The following RGL1 variants were observed in gnomAD, a reference collection of about 807,000 sequenced individuals.
RGL1 encodes the protein ral guanine nucleotide dissociation stimulator-like 1.
Under a neutral mutation model 95.2 loss-of-function variants are expected in RGL1, and 24 were observed. The observed-to-expected ratio is 0.25, with a 90% CI of 0.18 to 0.35. The LOEUF is 0.35. RGL1 is among the 10% of genes least tolerant of loss of function. RGL1 has a pLI of 1.00. For synonymous variants in RGL1, 329 were observed against 344.9 expected (o/e 0.95, Z 0.51); for missense variants, 715 against 936.3 (o/e 0.76, Z 3.08).
intron 1 of RGL1, among the ~76,000 whole-genome samples, chr1:183,670,829 G>A (rs1007188594): frequency 5.9e-5 from 9 of 152,114 alleles, no homozygotes; most frequent in South Asian, 2.1e-4. Context: ...ATATTCCATC[G>A]TATGGATATA....
chr1:183,779,798 T>G (rs1659802665), intron 2 of RGL1, among the ~76,000 whole-genome samples: 2 of 149,388 alleles, frequency 1.3e-5, no homozygotes, highest in Admixed American at 6.7e-5. Flanking sequence ...ATTTGTATCT[T>G]TTTTTTTTTG....
chr1:183,836,747 A>G (rs986186740), intron 2 of RGL1, among the ~76,000 whole-genome samples: 14 of 152,160 alleles, frequency 9.2e-5, no homozygotes, highest in Non-Finnish European at 2.1e-4. Context: ...GTGCTGAGGG[A>G]TAGAATACTT....
chr1:183,804,625 C>T (rs936195740), upstream of RGL1, among the ~76,000 whole-genome samples: 1 of 152,176 alleles, frequency 6.6e-6, no homozygotes, highest in African/African-American at 2.4e-5. Context: ...AAAAGCCCAG[C>T]GCGATTTCCT....
chr1:183,697,066 C>G (rs1308246716), intron 1 of RGL1, among the ~76,000 whole-genome samples: 2 of 152,190 alleles, frequency 1.3e-5, no homozygotes, highest in African/African-American at 4.8e-5. Flanking sequence ...ATGGTAAAAG[C>G]TGGAAACCTT....
intron 1 of RGL1, among the ~76,000 whole-genome samples, chr1:183,671,090 G>A (rs933179572): frequency 6.6e-6 from 1 of 152,310 alleles, no homozygotes; most frequent in Admixed American, 6.5e-5. Flanking sequence ...CTGAGTGAAG[G>A]AGGAAGAGCC....
chr1:183,734,876 C>T (rs925944582), intron 1 of RGL1, among the ~76,000 whole-genome samples: 7 of 152,172 alleles, frequency 4.6e-5, no homozygotes, highest in African/African-American at 1.7e-4. Flanking sequence ...AGTATCCTCT[C>T]CCTTCCCCAC....
chr1:183,851,160 A>G (rs1380693485), intron 3 of RGL1, among the ~76,000 whole-genome samples: 1 of 152,236 alleles, frequency 6.6e-6, no homozygotes, highest in Admixed American at 6.5e-5. Context: ...CATGTACGAT[A>G]TAACTGGAGA....
At chr1:183,697,591 G>T (rs1354996735) in intron 1 of RGL1, among the ~76,000 whole-genome samples, 1 of 152,174 alleles carries the variant, frequency 6.6e-6, no homozygotes, top group Non-Finnish European at 1.5e-5. Flanking sequence ...TGCACAAAAT[G>T]CTTCTTAAAT....
intron 3 of RGL1, 150 bp from the exon 4 acceptor site, chr1:183,865,846 A>G (rs1665796430): frequency 1.6e-6 from 1 of 617,232 alleles, no homozygotes; most frequent in African/African-American, 1.8e-5. Flanking sequence ...TATCAATAAT[A>G]CTGCATCATT....
At chr1:183,678,344 A>T (rs913439414) in intron 1 of RGL1, among the ~76,000 whole-genome samples, 2 of 152,130 alleles carry the variant, frequency 1.3e-5, no homozygotes, top group Admixed American at 1.3e-4. Flanking sequence ...ATAATCAGTG[A>T]GTTTTTTATT....
At chr1:183,874,029 G>A (rs1019232971) in intron 4 of RGL1, among the ~76,000 whole-genome samples, 1 of 152,154 alleles carries the variant, frequency 6.6e-6, no homozygotes, top group African/African-American at 2.4e-5. Context: ...TTGGACTGTG[G>A]GGAATGAGTT....
At chr1:183,842,038 G>T (rs565218007) in intron 2 of RGL1, among the ~76,000 whole-genome samples, 108 of 152,312 alleles carry the variant, frequency 7.1e-4, no homozygotes, top group South Asian at 1.9e-3. Context: ...GTGGTTTGTT[G>T]TTGCTGGATA....
chr1:183,720,763 G>T (rs1655974519), intron 1 of RGL1, among the ~76,000 whole-genome samples: 1 of 152,200 alleles, frequency 6.6e-6, no homozygotes, highest in Non-Finnish European at 1.5e-5. Flanking sequence ...TAGTTTTGGT[G>T]AGTTAAGGGT....
intron 1 of RGL1, among the ~76,000 whole-genome samples, chr1:183,682,839 A>G (rs1016365276): frequency 6.6e-6 from 1 of 152,084 alleles, no homozygotes; most frequent in Non-Finnish European, 1.5e-5. Context: ...TTTCTTTATA[A>G]ATCTAGGTGC....
chr1:183,644,413 A>G (rs1433139173), intron 1 of RGL1, among the ~76,000 whole-genome samples: 2 of 151,988 alleles, frequency 1.3e-5, no homozygotes, highest in Non-Finnish European at 2.9e-5. Flanking sequence ...CTCTCACTCA[A>G]TGTTAGTAAT....
chr1:183,827,033 G>C lies in RGL1; in HGVS notation c.139-20533G>C, dbSNP rs115470542. Among the ~76,000 whole-genome samples, 729 of 151,898 alleles carry C rather than the reference G, an allele frequency of 4.8e-3. 4 individuals carry two copies. The highest frequency in any genetic ancestry group is 7.4e-3 in the Non-Finnish European group (501 of 67,954). ...CGCCTCCCAGGCTCAAGCAATTCTC[G>C]TGCCTTAGCCTCCTAAATAGCTGGG... is the stretch of plus-strand genomic sequence containing the variant. On this transcript the variant is annotated intron_variant, in intron 2 of 17. Transcript: ENST00000360851.
intron 1 of RGL1, among the ~76,000 whole-genome samples, chr1:183,657,804 C>T (rs1315478670): frequency 6.6e-6 from 1 of 151,560 alleles, no homozygotes; most frequent in Non-Finnish European, 1.5e-5. Flanking sequence ...GGGTATATAC[C>T]CAGTAATGGG....
At chr1:183,689,652 A>G (rs1042610192) in intron 1 of RGL1, among the ~76,000 whole-genome samples, 4 of 152,204 alleles carry the variant, frequency 2.6e-5, no homozygotes, top group Non-Finnish European at 5.9e-5. Flanking sequence ...TAAGAACTTA[A>G]TAAATGTCTG....
intron 16 of RGL1, among the ~76,000 whole-genome samples, chr1:183,918,051 G>A (rs1669089280): frequency 6.6e-6 from 1 of 152,232 alleles, no homozygotes; most frequent in African/African-American, 2.4e-5. Context: ...CATTCATTTA[G>A]TTACCAACTT....
Sources: allele counts gnomAD v4.1 joint callset (sites outside exome capture counted in the v4.1 genomes callset), GRCh38; gene constraint gnomAD v4.1.1; transcripts MANE v1.5; gene names NCBI Gene and HGNC (gene_info 2026-07-23, HGNC 2026-07-21).